The following FHIT variants were observed in gnomAD, a reference collection of about 807,000 sequenced individuals.
FHIT encodes bis(5'-adenosyl)-triphosphatase.
In FHIT, 19 loss-of-function variants were observed where a neutral mutation model predicts 17.9. The ratio of observed to expected loss-of-function variants is 1.06; its 90% CI spans 0.74 to 1.56. The LOEUF (loss-of-function observed/expected upper bound fraction) is 1.56, where lower values mean the gene tolerates loss of function less well. FHIT is among the 40% of genes most tolerant of loss of function. The pLI, the probability that FHIT is intolerant of heterozygous loss-of-function variation, is 0.00. For synonymous variants in FHIT, 81 were observed against 69.7 expected (o/e 1.16, Z -0.81); for missense variants, 248 against 189.2 (o/e 1.31, Z -1.82).
At chr3:61,026,330 C>G (rs1186377378) in intron 3 of FHIT, among the ~76,000 whole-genome samples, 1 of 152,108 alleles carries the variant, frequency 6.6e-6, no homozygotes, top group Non-Finnish European at 1.5e-5. Flanking sequence ...CCACCTCTGA[C>G]CAGTGTACCT....
intron 4 of FHIT, among the ~76,000 whole-genome samples, chr3:60,803,991 A>T (rs1701293881): frequency 6.6e-6 from 1 of 152,190 alleles, no homozygotes; most frequent in Admixed American, 6.5e-5. Flanking sequence ...GCATCCAACC[A>T]AACACATGCA....
chr3:60,997,987 C>T (rs2030798654), intron 3 of FHIT, among the ~76,000 whole-genome samples: 2 of 152,156 alleles, frequency 1.3e-5, no homozygotes, highest in African/African-American at 4.8e-5. Flanking sequence ...ACAAAGCACT[C>T]TCAACTGAAT....
intron 4 of FHIT, among the ~76,000 whole-genome samples, chr3:60,766,973 G>A (rs1699877982): frequency 1.3e-5 from 2 of 152,096 alleles, no homozygotes; most frequent in South Asian, 2.1e-4. Flanking sequence ...ATCTCCTTTT[G>A]GACATTTTTC....
chr3:60,151,064 C>T (rs1700442948), intron 5 of FHIT, among the ~76,000 whole-genome samples: 1 of 152,126 alleles, frequency 6.6e-6, no homozygotes, highest in Non-Finnish European at 1.5e-5. Flanking sequence ...GATGGATTTG[C>T]ACTGGCATCT....
At chr3:60,638,391 G>A (rs990519778) in intron 4 of FHIT, among the ~76,000 whole-genome samples, 8 of 152,114 alleles carry the variant, frequency 5.3e-5, no homozygotes, top group African/African-American at 1.9e-4. Context: ...TTGGAAACTT[G>A]ATATTTAAGG....
In FHIT at chr3:60,836,164, G is replaced by T. The variant is rs1702535080; in HGVS notation, c.-110-14153C>A. 2.6e-5 allele frequency among the ~76,000 whole-genome samples: 4 copies of T among 152,174 alleles called. No homozygotes were observed. The South Asian group carries it at 8.3e-4, about 32-fold the overall frequency. On this transcript the variant is annotated intron_variant, in intron 3 of 9. Coordinates refer to ENST00000492590, the MANE Select transcript of FHIT (RefSeq NM_002012.4). ...TTCGTCGTGGTATATTATTCTTTTA[G>T]CCTGAATCCTGTTTGTTAATATTTT... is the stretch of plus-strand genomic sequence containing the variant.
At chr3:60,796,983 T>G (rs1171863935) in intron 4 of FHIT, among the ~76,000 whole-genome samples, 3 of 152,356 alleles carry the variant, frequency 2.0e-5, no homozygotes, top group Admixed American at 2.0e-4. Flanking sequence ...TCATAACTTA[T>G]AAAGGCCATG....
At chr3:60,964,753 T>C (rs1709633228) in intron 3 of FHIT, among the ~76,000 whole-genome samples, 1 of 152,208 alleles carries the variant, frequency 6.6e-6, no homozygotes, top group Admixed American at 6.5e-5. Context: ...GAATGTTGAA[T>C]TGGCCCCCAT....
In FHIT at chr3:60,590,984, A is replaced by C. The variant is rs181065184; in HGVS notation, c.-17-54005T>G. ...AAATGGACAGAATTAGGGAAATACT[A>C]TTGCTTAATCATAGAAGTTCACCTA... On this transcript the variant is annotated intron_variant, in intron 4 of 9. Coordinates refer to ENST00000492590, the MANE Select transcript of FHIT (RefSeq NM_002012.4). 1.6e-3 allele frequency among the ~76,000 whole-genome samples: 238 copies of C among 152,164 alleles called. 1 individual carries two copies. The Middle Eastern group carries it at 0.027, about 17-fold the overall frequency.
At chr3:59,987,549 T>G (rs1187827671) in intron 7 of FHIT, among the ~76,000 whole-genome samples, 1 of 152,072 alleles carries the variant, frequency 6.6e-6, no homozygotes, top group African/African-American at 2.4e-5. Flanking sequence ...CAAACTGTAT[T>G]AAGACACAGC....
intron 5 of FHIT, among the ~76,000 whole-genome samples, chr3:60,276,027 G>A (rs962984144): frequency 1.7e-4 from 25 of 148,038 alleles, no homozygotes; most frequent in South Asian, 4.3e-4. Context: ...TCGCTCAGTC[G>A]CCCAGGCTGG....
At chr3:60,222,581 G>A (rs1704013020) in intron 5 of FHIT, among the ~76,000 whole-genome samples, 1 of 152,140 alleles carries the variant, frequency 6.6e-6, no homozygotes, top group South Asian at 2.1e-4. Flanking sequence ...ACGAGGTCAG[G>A]AGTTCGAGAC....
intron 7 of FHIT, among the ~76,000 whole-genome samples, chr3:59,965,206 G>A (rs551774833): frequency 6.6e-6 from 1 of 151,966 alleles, no homozygotes; most frequent in African/African-American, 2.4e-5. Context: ...AAATTTGTAG[G>A]GCTTTAAATT....
intron 1 of FHIT, among the ~76,000 whole-genome samples, chr3:61,225,445 G>A (rs571789719): frequency 2.0e-5 from 3 of 152,310 alleles, no homozygotes; most frequent in African/African-American, 7.2e-5. Flanking sequence ...TGCCTTTGCA[G>A]GAGGCATGTT....
chr3:60,035,913 A>G (rs1340604898), intron 5 of FHIT, among the ~76,000 whole-genome samples: 1 of 152,232 alleles, frequency 6.6e-6, no homozygotes, highest in Non-Finnish European at 1.5e-5. Context: ...GCTTGTAACA[A>G]AAAAGGTTTA....
chr3:60,820,571 C>T lies in FHIT; in HGVS notation c.-18+1348G>A, dbSNP rs566289560. Among the ~76,000 whole-genome samples, 3 of 152,266 alleles carry T rather than the reference C, an allele frequency of 2.0e-5. No homozygotes were observed. The East Asian group carries it at 5.8e-4, about 29-fold the overall frequency. The stretch of plus-strand genomic sequence containing the variant: ...GATGCAGCAATGTCTCACAGTTCTA[C>T]AACTCTAGGGGCAATCCTGCCCAAC... On this transcript the variant is annotated intron_variant, in intron 4 of 9. Coordinates refer to ENST00000492590, the MANE Select transcript of FHIT (RefSeq NM_002012.4).
chr3:61,187,216 G>C (rs773165140), intron 2 of FHIT, among the ~76,000 whole-genome samples: 1 of 152,008 alleles, frequency 6.6e-6, no homozygotes, highest in African/African-American at 2.4e-5. Flanking sequence ...TTCTTGATAA[G>C]GAACTAAGGA....
At position 60,325,922 on chromosome 3, in the gene FHIT, C is replaced by T. The variant is rs11714913; in HGVS notation, c.103+210938G>A. Among the ~76,000 whole-genome samples the T allele has an allele frequency of 1.0e-2, 1,518 of 152,250 alleles. 11 individuals carry two copies. The highest frequency in any genetic ancestry group is 0.024 in the Middle Eastern group (7 of 294). On this transcript the variant is annotated intron_variant, in intron 5 of 9. Transcript: ENST00000492590. ...GTTTCCAAATGTGTGTAATCATGACCGACGTGATGGCAGGGATCTACTTAA... is the reference window on the plus strand; with the variant it reads ...GTTTCCAAATGTGTGTAATCATGACTGACGTGATGGCAGGGATCTACTTAA...
intron 5 of FHIT, among the ~76,000 whole-genome samples, chr3:60,495,594 G>T (rs999839323): frequency 6.6e-6 from 1 of 151,788 alleles, no homozygotes; most frequent in East Asian, 1.9e-4. Context: ...CTAACAGGGG[G>T]AAACCTACAT....
Sources: allele counts gnomAD v4.1 joint callset (sites outside exome capture counted in the v4.1 genomes callset), GRCh38; gene constraint gnomAD v4.1.1; transcripts MANE v1.5; gene names NCBI Gene and HGNC (gene_info 2026-07-23, HGNC 2026-07-21).